Variants in AGBL4 observed in about 807,000 individuals in gnomAD.
AGBL4 encodes the protein AGBL carboxypeptidase 4, also known as cytosolic carboxypeptidase 6.
A neutral mutation model predicts 66.4 loss-of-function variants in AGBL4; 58 were observed. The observed-to-expected ratio is 0.87, with a 90% CI of 0.71 to 1.09. The LOEUF (loss-of-function observed/expected upper bound fraction) is 1.09. AGBL4 is among the 50% of genes least tolerant of loss of function. The probability of loss-of-function intolerance (pLI) is 0.00; values close to 1 mark genes in which losing one functional copy is unlikely to be tolerated. For synonymous variants in AGBL4, 234 were observed against 222.9 expected (o/e 1.05, Z -0.44); for missense variants, 579 against 631.0 (o/e 0.92, Z 0.88).
At chr1:49,935,001 C>T (rs994436391) in intron 1 of AGBL4, among the ~76,000 whole-genome samples, 7 of 152,208 alleles carry the variant, frequency 4.6e-5, no homozygotes, top group African/African-American at 1.7e-4. Flanking sequence ...GGGTGCAGCG[C>T]ACCGTGTGCG....
intron 1 of AGBL4, among the ~76,000 whole-genome samples, chr1:49,996,783 G>A (rs544262181): frequency 2.1e-4 from 32 of 152,122 alleles, no homozygotes; most frequent in Non-Finnish European, 4.0e-4. Context: ...ACATCAAGAC[G>A]AAGGAAAGTA....
chr1:49,888,201 C>A (rs553421146), intron 1 of AGBL4, among the ~76,000 whole-genome samples: 43 of 152,134 alleles, frequency 2.8e-4, no homozygotes, highest in African/African-American at 1.0e-3. Flanking sequence ...ATTGATCCAG[C>A]CTACTGGAAA....
At chr1:49,292,184 C>T (rs1188435821) in intron 3 of AGBL4, among the ~76,000 whole-genome samples, 1 of 152,212 alleles carries the variant, frequency 6.6e-6, no homozygotes, top group Admixed American at 6.5e-5. Context: ...CACACCAGCC[C>T]CCTGCCACCT....
intron 2 of AGBL4, among the ~76,000 whole-genome samples, chr1:49,727,204 C>G (rs1339137025): frequency 6.6e-6 from 1 of 151,988 alleles, no homozygotes; most frequent in Non-Finnish European, 1.5e-5. Context: ...ATACGTGCTA[C>G]AGGAAGAAAA....
At chr1:49,944,168 C>G (rs1271919569) in intron 1 of AGBL4, among the ~76,000 whole-genome samples, 1 of 152,020 alleles carries the variant, frequency 6.6e-6, no homozygotes, top group East Asian at 1.9e-4. Context: ...TAGGGCCCCA[C>G]CCACCACCTA....
intron 3 of AGBL4, among the ~76,000 whole-genome samples, chr1:49,271,389 A>T (rs968798351): frequency 1.3e-5 from 2 of 149,898 alleles, no homozygotes; most frequent in Admixed American, 6.7e-5. Flanking sequence ...CTTTCGATTT[A>T]AAAAAAAAAT....
chr1:49,490,087 G>A (rs1393655811), intron 3 of AGBL4, among the ~76,000 whole-genome samples: 2 of 151,764 alleles, frequency 1.3e-5, no homozygotes, highest in Non-Finnish European at 2.9e-5. Context: ...TAGAGGTAGT[G>A]GCAGCAGGCA....
chr1:48,873,485 C>T (rs778593347), intron 5 of AGBL4, among the ~76,000 whole-genome samples: 1 of 152,092 alleles, frequency 6.6e-6, no homozygotes, highest in African/African-American at 2.4e-5. Flanking sequence ...ATTGTATTTC[C>T]GTGACCTCCT....
At chr1:49,674,552 AAT>A (rs1234066482) in intron 3 of AGBL4, among the ~76,000 whole-genome samples, 1 of 138,690 alleles carries the variant, frequency 7.2e-6, no homozygotes, top group Non-Finnish European at 1.5e-5. Context: ...AGAATAAAAG[AAT>A]ATATATAAGA....
At chr1:49,869,644 G>A (rs1646790756) in intron 1 of AGBL4, among the ~76,000 whole-genome samples, 2 of 152,144 alleles carry the variant, frequency 1.3e-5, no homozygotes, top group South Asian at 2.1e-4. Context: ...GCTAATGCAT[G>A]CTGGGCTTAA....
intron 3 of AGBL4, among the ~76,000 whole-genome samples, chr1:49,269,811 T>C (rs1014532058): frequency 1.8e-4 from 28 of 152,192 alleles, no homozygotes; most frequent in African/African-American, 6.8e-4. Flanking sequence ...AAATTTATAA[T>C]CCTTTTCTCT....
chr1:48,789,965 ACTT>A (rs1645508033), intron 6 of AGBL4, among the ~76,000 whole-genome samples: 2 of 152,212 alleles, frequency 1.3e-5, no homozygotes, highest in Non-Finnish European at 2.9e-5. Context: ...ATATTTTTCC[ACTT>A]AAGATGTTCA....
At chr1:49,284,166 C>T (rs1343544974) in intron 3 of AGBL4, among the ~76,000 whole-genome samples, 1 of 152,138 alleles carries the variant, frequency 6.6e-6, no homozygotes, top group Non-Finnish European at 1.5e-5. Context: ...CTAACAGCAG[C>T]GGATCTCTCG....
chr1:49,855,982 C>T (rs1646422287), intron 1 of AGBL4, among the ~76,000 whole-genome samples: 1 of 151,458 alleles, frequency 6.6e-6, no homozygotes, highest in African/African-American at 2.4e-5. Context: ...AAGATAAAAT[C>T]GATAAACTGC....
chr1:48,913,927 C>T (rs58011701), intron 5 of AGBL4, among the ~76,000 whole-genome samples: 8 of 151,914 alleles, frequency 5.3e-5, no homozygotes, highest in African/African-American at 1.5e-4. Flanking sequence ...GGGTTGGTTT[C>T]GAATCTGGGG....
chr1:49,556,213 G>A (rs1035609619), intron 3 of AGBL4, among the ~76,000 whole-genome samples: 34 of 152,086 alleles, frequency 2.2e-4, no homozygotes, highest in African/African-American at 7.7e-4. Flanking sequence ...AAAATGATGA[G>A]TTCATGTCCT....
chr1:49,501,617 A>AT (rs1648163745), intron 3 of AGBL4, among the ~76,000 whole-genome samples: 1 of 150,598 alleles, frequency 6.6e-6, no homozygotes, highest in African/African-American at 2.4e-5. Context: ...TTGATTTATT[A>AT]TTTTTTCTAG....
intron 6 of AGBL4, among the ~76,000 whole-genome samples, chr1:48,699,885 C>T (rs1344965585): frequency 6.6e-6 from 1 of 151,794 alleles, no homozygotes; most frequent in African/African-American, 2.4e-5. Flanking sequence ...CATGCACTCT[C>T]ATGATACTAT....
chr1:48,834,603 C>A (rs1646634411), intron 6 of AGBL4, among the ~76,000 whole-genome samples: 1 of 152,086 alleles, frequency 6.6e-6, no homozygotes, highest in Non-Finnish European at 1.5e-5. Context: ...GAGGACACAG[C>A]AAGAAGGAGG....
Sources: allele counts gnomAD v4.1 joint callset (sites outside exome capture counted in the v4.1 genomes callset), GRCh38; gene constraint gnomAD v4.1.1; transcripts MANE v1.5; gene names NCBI Gene and HGNC (gene_info 2026-07-23, HGNC 2026-07-21).